ASB7: variants seen among roughly 807,000 people sequenced by gnomAD.
The protein encoded by ASB7 is ankyrin repeat and SOCS box protein 7.
In ASB7, 4 loss-of-function variants were observed where a neutral mutation model predicts 32.5. The ratio of observed to expected loss-of-function variants is 0.12; its 90% CI spans 0.06 to 0.28. The LOEUF (loss-of-function observed/expected upper bound fraction) is 0.28. Among genes scored for constraint, ASB7 ranks in the 10% least tolerant of loss-of-function variants. ASB7 has a pLI of 1.00. For synonymous variants in ASB7, 172 were observed against 155.6 expected (o/e 1.11, Z -0.78); for missense variants, 181 against 407.1 (o/e 0.44, Z 4.78).
chr15:100,611,666 G>C (rs2039697206), intron 3 of ASB7, among the ~76,000 whole-genome samples: 1 of 150,260 alleles, frequency 6.7e-6, no homozygotes, highest in Non-Finnish European at 1.5e-5. Context: ...TTTTGGTAGA[G>C]ACAGGGTTTC....
intron 2 of ASB7, among the ~76,000 whole-genome samples, chr15:100,608,927 G>A (rs2039671125): frequency 6.6e-6 from 1 of 152,152 alleles, no homozygotes; most frequent in Non-Finnish European, 1.5e-5. Context: ...CTTGTCTGAA[G>A]GTTTAAGTGA....
intron 4 of ASB7, among the ~76,000 whole-genome samples, chr15:100,623,035 C>T (rs1435391831): frequency 6.6e-6 from 1 of 152,192 alleles, no homozygotes; most frequent in Non-Finnish European, 1.5e-5. Flanking sequence ...AAACTGGCAT[C>T]TGACAAGGGA....
chr15:100,631,529 A>G (rs2039883614), intron 5 of ASB7, among the ~76,000 whole-genome samples: 1 of 152,132 alleles, frequency 6.6e-6, no homozygotes, highest in Non-Finnish European at 1.5e-5. Context: ...CTCAACTTCT[A>G]CATTAGAGAC....
intron 5 of ASB7, among the ~76,000 whole-genome samples, chr15:100,643,541 G>A (rs1342285101): frequency 7.0e-6 from 1 of 142,302 alleles, no homozygotes; most frequent in Non-Finnish European, 1.5e-5. Flanking sequence ...CCAGGCTGGA[G>A]TGCAGTGGCG....
chr15:100,611,193 C>T (rs1358150432), intron 3 of ASB7, among the ~76,000 whole-genome samples: 1 of 152,046 alleles, frequency 6.6e-6, no homozygotes, highest in Non-Finnish European at 1.5e-5. Context: ...TACAGGTGCA[C>T]ACTACCATGC....
chr15:100,630,011 A>G lies in ASB7; in HGVS notation c.786A>G (p.Arg262=). The change falls in exon 5 of 6, where the codon CGA becomes CGG. Residue 262 remains arginine (R), a synonymous_variant. Coordinates refer to ENST00000332783, the MANE Select transcript of ASB7 (RefSeq NM_198243.3). ...CAATAAGTATTTCTGGAAGTAGTCG[A>G]CCATGTTTGGATTTCTTACAAGAAG... is the stretch of plus-strand genomic sequence containing the variant. ...AVSISISGSS[R]PCLDFLQEVT... 6.2e-7 allele frequency: 1 copy of G among 1,606,988 alleles called. No individual in the cohort carries two copies. The highest frequency in any genetic ancestry group is 8.5e-7 in the Non-Finnish European group (1 of 1,175,302).
intron 5 of ASB7, chr15:100,646,559 G>A (rs1326592034): frequency 2.0e-5 from 8 of 392,034 alleles, no homozygotes; most frequent in Middle Eastern, 8.7e-4. Context: ...ATGTTACTAA[G>A]GTCAACACTT....
At chr15:100,612,780 T>G (rs1057278092) in intron 4 of ASB7, among the ~76,000 whole-genome samples, 3 of 152,202 alleles carry the variant, frequency 2.0e-5, no homozygotes, top group African/African-American at 7.2e-5. Context: ...AAGTTTCCCC[T>G]GTTGATTATT....
At chr15:100,631,550 T>A (rs1567116348) in intron 5 of ASB7, among the ~76,000 whole-genome samples, 1 of 152,174 alleles carries the variant, frequency 6.6e-6, no homozygotes, top group Non-Finnish European at 1.5e-5. Context: ...TTAGTTATGA[T>A]GAGTGTGGCC....
At chr15:100,617,789 A>T (rs189767595) in intron 4 of ASB7, among the ~76,000 whole-genome samples, 5 of 152,360 alleles carry the variant, frequency 3.3e-5, no homozygotes, top group African/African-American at 1.2e-4. Flanking sequence ...TTGAGGGTAG[A>T]ACCCATATCT....
chr15:100,628,388 G>GTGTA (rs1046490026), intron 4 of ASB7, among the ~76,000 whole-genome samples: 2 of 152,294 alleles, frequency 1.3e-5, no homozygotes, highest in South Asian at 4.1e-4. Flanking sequence ...GGCTGTGTGT[G>GTGTA]TGTATGTATG....
chr15:100,642,129 A>G (rs989140243), intron 5 of ASB7, among the ~76,000 whole-genome samples: 1 of 152,256 alleles, frequency 6.6e-6, no homozygotes, highest in Non-Finnish European at 1.5e-5. Flanking sequence ...AAATTAGTCT[A>G]GAGCATTTCA....
At chr15:100,639,141 T>G (rs1240865959) in intron 5 of ASB7, among the ~76,000 whole-genome samples, 13 of 152,174 alleles carry the variant, frequency 8.5e-5, no homozygotes, top group Admixed American at 8.5e-4. Flanking sequence ...TTTGTATGTT[T>G]TAAGGAGTTA....
chr15:100,612,516 T>G, intron 4 of ASB7, 89 bp downstream of exon 4: 2 of 1,194,316 alleles, frequency 1.7e-6, no homozygotes, highest in South Asian at 1.3e-5. Flanking sequence ...TTTTTAATGC[T>G]TCTCTTCTGT....
chr15:100,634,584 A>G (rs2039908380), intron 5 of ASB7, among the ~76,000 whole-genome samples: 1 of 152,190 alleles, frequency 6.6e-6, no homozygotes. Flanking sequence ...CAGGTGGATC[A>G]CTTGAGGCCG....
intron 2 of ASB7, among the ~76,000 whole-genome samples, chr15:100,607,430 A>T (rs146644831): frequency 7.7e-4 from 118 of 152,320 alleles, no homozygotes; most frequent in African/African-American, 2.5e-3. Context: ...TTACTTGTTG[A>T]TGCTTTTGAC....
chr15:100,632,335 T>G (rs1406822319), intron 5 of ASB7, among the ~76,000 whole-genome samples: 1 of 152,200 alleles, frequency 6.6e-6, no homozygotes, highest in Non-Finnish European at 1.5e-5. Flanking sequence ...AAGGCTCCAG[T>G]TGTCCTTTGT....
intron 5 of ASB7, among the ~76,000 whole-genome samples, chr15:100,634,170 T>C (rs2039905363): frequency 6.6e-6 from 1 of 152,216 alleles, no homozygotes; most frequent in East Asian, 1.9e-4. Flanking sequence ...GTTTTTTTTC[T>C]TATCTTCTTC....
chr15:100,630,162 G>A, intron 5 of ASB7, 120 bp downstream of exon 5: 1 of 1,372,238 alleles, frequency 7.3e-7, no homozygotes, highest in Non-Finnish European at 9.4e-7. Flanking sequence ...CCACTGCTTG[G>A]TAAGCGATGC....
Sources: allele counts gnomAD v4.1 joint callset (sites outside exome capture counted in the v4.1 genomes callset), GRCh38; gene constraint gnomAD v4.1.1; transcripts MANE v1.5; gene names NCBI Gene and HGNC (gene_info 2026-07-23, HGNC 2026-07-21).